The following NUP93 variants were observed in gnomAD, a reference collection of about 807,000 sequenced individuals.
The protein encoded by NUP93 is nucleoporin 93, also known as nuclear pore complex protein Nup93.
NUP93 carries 55 observed loss-of-function variants against 107.8 expected under a neutral mutation model. The ratio of observed to expected loss-of-function variants is 0.51; its 90% CI spans 0.41 to 0.64. The LOEUF (loss-of-function observed/expected upper bound fraction) is 0.64. NUP93 is among the 30% of genes least tolerant of loss of function. The pLI, the probability that NUP93 is intolerant of heterozygous loss-of-function variation, is 0.00. For synonymous variants in NUP93, 390 were observed against 397.5 expected (o/e 0.98, Z 0.22); for missense variants, 937 against 1,044.7 (o/e 0.90, Z 1.42).
chr16:56,836,060 C>T (rs1963903049), intron 16 of NUP93, among the ~76,000 whole-genome samples: 1 of 149,248 alleles, frequency 6.7e-6, no homozygotes, highest in African/African-American at 2.5e-5. Flanking sequence ...ACCTGGGAGG[C>T]AGAGCTTGCA....
At chr16:56,748,124 G>A (rs137943561) in intron 1 of NUP93, 110 bp from the exon 2 acceptor site, 9 of 677,326 alleles carry the variant, frequency 1.3e-5, no homozygotes, top group Admixed American at 2.8e-5. Context: ...CTGTGTCCTC[G>A]TCTGTTTACA....
chr16:56,830,770 G>A, intron 10 of NUP93, 85 bp downstream of exon 10: 1 of 1,286,294 alleles, frequency 7.8e-7, no homozygotes, highest in African/African-American at 1.5e-5. Context: ...CTTTTCCCTG[G>A]ACGGGCCCAA....
intron 1 of NUP93, among the ~76,000 whole-genome samples, chr16:56,738,114 C>T (rs1362837643): frequency 1.3e-5 from 2 of 152,180 alleles, no homozygotes; most frequent in Non-Finnish European, 2.9e-5. Context: ...GTTTAAAGAC[C>T]GAATTAAAAC....
chr16:56,836,539 T>C (rs1455832188), intron 16 of NUP93, 62 bp from the exon 17 acceptor site: 1 of 1,011,324 alleles, frequency 9.9e-7, no homozygotes, highest in Non-Finnish European at 1.5e-6. Flanking sequence ...TCTCTGTGTT[T>C]AAAATAATAG....
chr16:56,781,898 T>C lies in NUP93; in HGVS notation c.298-16578T>C, dbSNP rs1357696642. The C allele has an allele frequency of 5.1e-6, 5 of 985,192 alleles. No homozygotes were observed. The African/African-American group carries it at 7.0e-5, about 14-fold the overall frequency. 61.0% of individuals were successfully genotyped at this position (985,192 alleles called of 1,614,324 possible). The stretch of plus-strand genomic sequence containing the variant: ...CTGAATTTGTGTAGCGCACAACGAA[T>C]GGTGATGCTGTGCTCCGGGGGCTGC... On this transcript the variant is annotated intron_variant, in intron 3 of 21. Coordinates refer to ENST00000308159, the MANE Select transcript of NUP93 (RefSeq NM_014669.5).
chr16:56,774,159 T>C (rs1226360219), intron 3 of NUP93, among the ~76,000 whole-genome samples: 2 of 152,272 alleles, frequency 1.3e-5, no homozygotes, highest in South Asian at 2.1e-4. Context: ...CCCATCTTAG[T>C]TAATCATCAT....
intron 5 of NUP93, among the ~76,000 whole-genome samples, chr16:56,811,470 G>T (rs1157970375): frequency 1.3e-5 from 2 of 151,986 alleles, no homozygotes; most frequent in Non-Finnish European, 2.9e-5. Flanking sequence ...GCAGGCTTTG[G>T]GTCCCCAAGC....
At chr16:56,779,773 AAT>A (rs1962479223) in intron 3 of NUP93, among the ~76,000 whole-genome samples, 1 of 152,226 alleles carries the variant, frequency 6.6e-6, no homozygotes, top group Admixed American at 6.5e-5. Context: ...ATTTGTTGGC[AAT>A]ACTAAAGAGG....
At chr16:56,811,135 A>G (rs1279734202) in intron 5 of NUP93, among the ~76,000 whole-genome samples, 2 of 152,174 alleles carry the variant, frequency 1.3e-5, no homozygotes, top group East Asian at 1.9e-4. Flanking sequence ...TAAGAGGGTA[A>G]TTGCTGAGCC....
intron 1 of NUP93, among the ~76,000 whole-genome samples, chr16:56,731,610 G>C (rs942337673): frequency 6.6e-6 from 1 of 152,042 alleles, no homozygotes; most frequent in African/African-American, 2.4e-5. Context: ...ATTTCACCAT[G>C]TTGGCCAGGC....
At chr16:56,828,865 G>C in intron 8 of NUP93, 112 bp from the exon 9 acceptor site, 1 of 1,067,850 alleles carries the variant, frequency 9.4e-7, no homozygotes, top group Non-Finnish European at 1.4e-6. Context: ...CATTGAGCTT[G>C]AAGTCTAGGC....
rs769436848 is a variant in NUP93 at position 56,758,636 on chromosome 16, T to G, written c.278T>G (p.Val93Gly). ...AATTFEPLEP[V>G]KDTDIQGFLK... ...ACCACCTTTGAGCCTCTTGAGCCTGTGAAGGACACTGACATTCAGGTAAGG... is the reference window on the plus strand; with the variant it reads ...ACCACCTTTGAGCCTCTTGAGCCTGGGAAGGACACTGACATTCAGGTAAGG... Residue 93 changes from valine to glycine, a missense_variant, in exon 3 of 22, where the codon GTG becomes GGG. By Grantham distance (109) the Val-to-Gly change is moderately radical. Transcript: ENST00000308159. The G allele has an allele frequency of 3.1e-6, 5 of 1,613,578 alleles. No homozygotes were observed. In the South Asian group the frequency reaches 4.4e-5, roughly 14 times the overall value.
chr16:56,771,992 C>G (rs1962330428), intron 3 of NUP93, among the ~76,000 whole-genome samples: 1 of 152,122 alleles, frequency 6.6e-6, no homozygotes, highest in African/African-American at 2.4e-5. Flanking sequence ...ACCACCTTCT[C>G]TGTTCCCTTC....
chr16:56,742,534 C>G (rs1478436837), intron 1 of NUP93, among the ~76,000 whole-genome samples: 2 of 152,220 alleles, frequency 1.3e-5, no homozygotes, highest in Non-Finnish European at 2.9e-5. Context: ...TGCCTGCTTT[C>G]AAGCTACAAC....
chr16:56,814,733 G>A (rs904305577), intron 5 of NUP93, among the ~76,000 whole-genome samples: 6 of 152,272 alleles, frequency 3.9e-5, no homozygotes, highest in African/African-American at 1.4e-4. Flanking sequence ...AGACTCCTGG[G>A]TGAGCTGCTT....
chr16:56,805,188 G>T (rs1372169000), intron 4 of NUP93, among the ~76,000 whole-genome samples: 5 of 152,042 alleles, frequency 3.3e-5, no homozygotes, highest in African/African-American at 1.2e-4. Flanking sequence ...CTCCCAAGTA[G>T]CTGGGACTAC....
In NUP93 at chr16:56,756,304, C is replaced by G. The variant is rs866786904; in HGVS notation, c.180-2234C>G. 6.8e-3 allele frequency among the ~76,000 whole-genome samples: 592 copies of G among 86,938 alleles called. 46 individuals carry two copies. Among genetic ancestry groups the G allele is most frequent in the African/African-American group, 0.025 (548 of 22,036 alleles). The allele number at this position is 86,938 out of a possible 152,430, so 57.0% of individuals were successfully genotyped here. ...TGCTCTCTCTCTCCTTGCCCCCCCC[C>G]CCCCCGACAGGCTCCTATGTGTGTT... On this transcript the variant is annotated intron_variant, in intron 2 of 21. Transcript: ENST00000308159.
chr16:56,816,777 G>A (rs190193228), intron 5 of NUP93, among the ~76,000 whole-genome samples: 1 of 152,196 alleles, frequency 6.6e-6, no homozygotes, highest in Non-Finnish European at 1.5e-5. Context: ...AATTTTCAAG[G>A]AATTTGCGGT....
At position 56,798,520 on chromosome 16, in the gene NUP93, C is replaced by T. The variant is rs185914955; in HGVS notation, c.342C>T (p.Ile114=). 1.9e-5 allele frequency: 31 copies of T among 1,613,936 alleles called. 1 individual carries two copies. In the East Asian group the frequency reaches 3.6e-4, roughly 19 times the overall value. ...NEKDNALLSA[I]EESRKRTFGM... is the part of the protein sequence containing the mutation. ...AGGACAATGCCCTGCTGTCTGCCAT[C>T]GAAGAGTCCCGGAAGAGGGTAAGAA... Residue 114 remains isoleucine (I), a synonymous_variant, in exon 4 of 22, where the codon ATC becomes ATT. Transcript: ENST00000308159.
Sources: allele counts gnomAD v4.1 joint callset (sites outside exome capture counted in the v4.1 genomes callset), GRCh38; gene constraint gnomAD v4.1.1; transcripts MANE v1.5; gene names NCBI Gene and HGNC (gene_info 2026-07-23, HGNC 2026-07-21).